Variants in ADAM2 observed in about 807,000 individuals in gnomAD.
ADAM2 encodes the protein disintegrin and metalloproteinase domain-containing protein 2.
ADAM2 carries 101 observed loss-of-function variants against 99.3 expected under a neutral mutation model. That is an observed-to-expected ratio of 1.02 (90% CI 0.87 to 1.20). The LOEUF is 1.20. Among genes scored for constraint, ADAM2 ranks in the 50% most tolerant of loss-of-function variants. The pLI, the probability that ADAM2 is intolerant of heterozygous loss-of-function variation, is 0.00. For missense variants in ADAM2, 948 were observed against 878.7 expected (o/e 1.08, Z -1.00); for synonymous variants, 323 against 287.6 (o/e 1.12, Z -1.25).
chr8:39,791,087 A>G (rs1293330838), intron 7 of ADAM2, among the ~76,000 whole-genome samples: 1 of 151,952 alleles, frequency 6.6e-6, no homozygotes, highest in Non-Finnish European at 1.5e-5. Flanking sequence ...TAAGGCCTCG[A>G]ATGGGGTGAC....
intron 7 of ADAM2, among the ~76,000 whole-genome samples, chr8:39,794,188 G>A (rs1408064890): frequency 1.3e-5 from 2 of 152,048 alleles, no homozygotes. Context: ...ATGCCTTGTA[G>A]TATTTATGTA....
At chr8:39,781,294 T>A (rs1298674214) in intron 10 of ADAM2, among the ~76,000 whole-genome samples, 2 of 151,888 alleles carry the variant, frequency 1.3e-5, no homozygotes, top group African/African-American at 4.8e-5. Flanking sequence ...TGTGTGCGCA[T>A]GTGTGTGTGT....
At chr8:39,821,198 G>T in intron 5 of ADAM2, 28 bp from the exon 6 acceptor site, 1 of 1,444,172 alleles carries the variant, frequency 6.9e-7, no homozygotes, top group South Asian at 1.3e-5. Context: ...AAATTAATAA[G>T]TAAAACAATG....
intron 11 of ADAM2, among the ~76,000 whole-genome samples, chr8:39,772,015 G>A (rs554890565): frequency 6.0e-4 from 91 of 150,886 alleles, no homozygotes; most frequent in South Asian, 6.3e-4. Context: ...CCGAAATGGT[G>A]CATGTATACA....
intron 3 of ADAM2, among the ~76,000 whole-genome samples, chr8:39,831,684 A>C (rs1481616876): frequency 1.3e-5 from 2 of 152,170 alleles, no homozygotes; most frequent in Non-Finnish European, 2.9e-5. Flanking sequence ...AGTCATTGAA[A>C]AATATTCTTG....
At chr8:39,791,796 C>G (rs1224720234) in intron 7 of ADAM2, among the ~76,000 whole-genome samples, 1 of 152,020 alleles carries the variant, frequency 6.6e-6, no homozygotes, top group Non-Finnish European at 1.5e-5. Context: ...TTCTCTCCTC[C>G]TTGTTTCTTA....
chr8:39,788,748 A>G lies in ADAM2; in HGVS notation c.571-8T>C. On this transcript the variant is annotated splice_region_variant and splice_polypyrimidine_tract_variant and intron_variant, in intron 7 of 20. Transcript: ENST00000265708. ...AGACCCCATATGATTATACTGTAAA[A>G]TATTATTACATTTTAGATATAAATA... The G allele has an allele frequency of 2.9e-6, 4 of 1,400,016 alleles. No individual in the cohort carries two copies. The highest frequency in any genetic ancestry group is 1.9e-6 in the Non-Finnish European group (2 of 1,035,600). 86.7% of individuals were successfully genotyped at this position (1,400,016 alleles called of 1,614,324 possible).
At chr8:39,792,583 A>T (rs1803766304) in intron 7 of ADAM2, among the ~76,000 whole-genome samples, 2 of 152,044 alleles carry the variant, frequency 1.3e-5, no homozygotes, top group South Asian at 4.1e-4. Flanking sequence ...TTAGGCCCTC[A>T]AATCAATCAG....
chr8:39,800,929 C>T (rs1804181507), intron 7 of ADAM2, among the ~76,000 whole-genome samples: 1 of 152,090 alleles, frequency 6.6e-6, no homozygotes, highest in South Asian at 2.1e-4. Flanking sequence ...TTCCTCTGAC[C>T]TTTTATCAAG....
intron 7 of ADAM2, among the ~76,000 whole-genome samples, chr8:39,805,587 AAAT>A (rs1179050503): frequency 6.6e-6 from 1 of 152,144 alleles, no homozygotes; most frequent in African/African-American, 2.4e-5. Context: ...CTATGGTAAA[AAAT>A]AATAATAATA....
At position 39,769,472 on chromosome 8, in the gene ADAM2, C is replaced by T; in HGVS notation, c.1132G>A (p.Asp378Asn). Residue 378 changes from aspartate to asparagine, a missense_variant, in exon 12 of 21, where the codon GAT becomes AAT. Transcript: ENST00000265708. ...SQCLHNQPRL[D>N]PFFKQQAVCG... is the part of the protein sequence containing the mutation. ...ACTGCTTGCTGTTTGAAAAAAGGAT[C>T]TAAGCGAGGCTGATTGTGAAGACAC... 1 of 1,613,974 alleles carries T rather than the reference C, an allele frequency of 6.2e-7. No individual in the cohort carries two copies. Among genetic ancestry groups the T allele is most frequent in the Non-Finnish European group, 8.5e-7 (1 of 1,179,842 alleles).
intron 3 of ADAM2, among the ~76,000 whole-genome samples, 198 bp from the exon 4 acceptor site, chr8:39,825,095 C>T (rs1023424189): frequency 1.3e-5 from 2 of 152,130 alleles, no homozygotes; most frequent in Non-Finnish European, 2.9e-5. Flanking sequence ...CTCTGTCCTC[C>T]TAGCTGTTTT....
rs1210920559 is a variant in ADAM2, at chr8:39,755,774, C to T, written c.1751G>A (p.Ser584Asn). The change falls in exon 16 of 21, where the codon AGC becomes AAC. Residue 584 changes from serine to asparagine, a missense_variant. Transcript: ENST00000265708. ...AVEFASDHADSQKMWIKDGTS... is the reference protein window; with the variant it reads ...AVEFASDHADNQKMWIKDGTS... Reference sequence around the variant, plus strand: ...TCCATCTTTTATCCACATCTTTTGGCTGTCTGCATGATCACTGGCAAATTC... The same window carrying T: ...TCCATCTTTTATCCACATCTTTTGGTTGTCTGCATGATCACTGGCAAATTC... 1.2e-6 allele frequency: 2 copies of T among 1,613,522 alleles called. No homozygotes were observed. Among genetic ancestry groups the T allele is most frequent in the Non-Finnish European group, 1.7e-6 (2 of 1,179,804 alleles).
At chr8:39,827,211 A>G (rs1472468208) in intron 3 of ADAM2, among the ~76,000 whole-genome samples, 2 of 152,196 alleles carry the variant, frequency 1.3e-5, no homozygotes, top group Non-Finnish European at 2.9e-5. Flanking sequence ...TTGATTGGCT[A>G]TTATCAAAAA....
At chr8:39,807,809 T>C (rs1804501393) in intron 7 of ADAM2, among the ~76,000 whole-genome samples, 1 of 152,166 alleles carries the variant, frequency 6.6e-6, no homozygotes, top group Non-Finnish European at 1.5e-5. Flanking sequence ...TGATTATGCA[T>C]CATGATCAAC....
chr8:39,810,644 T>TC lies in ADAM2; in HGVS notation c.514-1179dup, dbSNP rs1459790524. On this transcript the variant is annotated intron_variant, in intron 6 of 20. Transcript: ENST00000265708. Reference sequence around the variant, plus strand: ...GATTAAGAAACTCACTCAAAACCACTCAACTACATGGAAACTGAACAACCT... The same window carrying TC: ...GATTAAGAAACTCACTCAAAACCACTCCAACTACATGGAAACTGAACAACCT... Among the ~76,000 whole-genome samples the TC allele has an allele frequency of 3.3e-5, 5 of 151,994 alleles. 1 individual carries two copies. Among genetic ancestry groups the TC allele is most frequent in the Admixed American group, 3.3e-4 (5 of 15,244 alleles).
At chr8:39,761,607 CTTAT>C (rs1802373335) in intron 14 of ADAM2, among the ~76,000 whole-genome samples, 2 of 152,182 alleles carry the variant, frequency 1.3e-5, no homozygotes, top group Admixed American at 6.5e-5. Context: ...ACATAATTGA[CTTAT>C]TTGTCAAATA....
chr8:39,772,525 A>T (rs1802824042), intron 11 of ADAM2, among the ~76,000 whole-genome samples: 1 of 152,100 alleles, frequency 6.6e-6, no homozygotes, highest in Non-Finnish European at 1.5e-5. Flanking sequence ...GTGTGAAATT[A>T]TACTGTGAAA....
chr8:39,789,419 G>T (rs566322906), intron 7 of ADAM2, among the ~76,000 whole-genome samples: 2 of 151,702 alleles, frequency 1.3e-5, no homozygotes, highest in Admixed American at 6.6e-5. Context: ...GCAAATATGC[G>T]TTTTTTAAGT....
Sources: allele counts gnomAD v4.1 joint callset (sites outside exome capture counted in the v4.1 genomes callset), GRCh38; gene constraint gnomAD v4.1.1; transcripts MANE v1.5; gene names NCBI Gene and HGNC (gene_info 2026-07-23, HGNC 2026-07-21).